FNDC3B: variants seen among roughly 807,000 people sequenced by gnomAD.
The protein encoded by FNDC3B is fibronectin type III domain containing 3B, also known as fibronectin type III domain-containing protein 3B.
In FNDC3B, 12 loss-of-function variants were observed where a neutral mutation model predicts 151.5. The observed-to-expected ratio is 0.08, with a 90% CI of 0.05 to 0.13. The LOEUF (loss-of-function observed/expected upper bound fraction) is 0.13, where lower values mean the gene tolerates loss of function less well. FNDC3B is among the 10% of genes least tolerant of loss of function. The pLI, the probability that FNDC3B is intolerant of heterozygous loss-of-function variation, is 1.00. For synonymous variants in FNDC3B, 528 were observed against 549.0 expected, an observed-to-expected ratio of 0.96 and a Z score of 0.54; for missense variants, 1,214 against 1,505.3, an observed-to-expected ratio of 0.81 and a Z score of 3.20.
chr3:172,396,404 G>C (rs750190307), intron 25 of FNDC3B, among the ~76,000 whole-genome samples: 4 of 152,168 alleles, frequency 2.6e-5, no homozygotes, highest in Non-Finnish European at 5.9e-5. Context: ...CATCCTGCTG[G>C]AAAATTTACA....
chr3:172,162,804 T>C (rs62283836), intron 3 of FNDC3B, among the ~76,000 whole-genome samples: 6,853 of 152,208 alleles, frequency 0.045, 225 homozygotes, highest in African/African-American at 0.094. Flanking sequence ...TGAGCTGTAA[T>C]GAAATTCTGT....
intron 6 of FNDC3B, among the ~76,000 whole-genome samples, chr3:172,278,732 GC>G (rs2108813861): frequency 6.6e-6 from 1 of 152,246 alleles, no homozygotes; most frequent in African/African-American, 2.4e-5. Context: ...TTTGAGACCA[GC>G]CTGGCCAACA....
intron 1 of FNDC3B, among the ~76,000 whole-genome samples, chr3:172,061,807 C>T (rs1717212609): frequency 6.6e-6 from 1 of 152,140 alleles, no homozygotes; most frequent in South Asian, 2.1e-4. Context: ...TTGCTTTGTT[C>T]AGCGGACAGG....
intron 1 of FNDC3B, among the ~76,000 whole-genome samples, chr3:172,058,963 C>T (rs562137667): frequency 9.2e-5 from 14 of 152,282 alleles, no homozygotes; most frequent in Middle Eastern, 3.4e-3. Flanking sequence ...TTCTTTTCTC[C>T]GTGTCCTAAT....
At position 172,040,994 on chromosome 3, in the gene FNDC3B, G is replaced by C. The variant is rs1716014120; in HGVS notation, c.-29+1223G>C. Reference sequence around the variant, plus strand: ...GCCATCCCAGACGAAGGGAAGCAATGGCATTTTATCCAGACAGTGCCGTTT... The same window carrying C: ...GCCATCCCAGACGAAGGGAAGCAATCGCATTTTATCCAGACAGTGCCGTTT... On this transcript the variant is annotated intron_variant, in intron 1 of 25. Transcript: ENST00000415807. The surrounding 1 kb of genome is among the most constrained non-coding windows in gnomAD (Gnocchi z 6.6). Among the ~76,000 whole-genome samples the C allele has an allele frequency of 6.6e-6, 1 of 152,210 alleles. No individual in the cohort carries two copies. Among genetic ancestry groups the C allele is most frequent in the African/African-American group, 2.4e-5 (1 of 41,462 alleles).
chr3:172,263,629 C>T (rs1026302175), intron 6 of FNDC3B, among the ~76,000 whole-genome samples: 5 of 108,142 alleles, frequency 4.6e-5, no homozygotes, highest in East Asian at 3.6e-4. Context: ...TGACAGCATT[C>T]GTATTATTTA....
chr3:172,193,703 C>T (rs149751606), intron 3 of FNDC3B, among the ~76,000 whole-genome samples: 1 of 152,072 alleles, frequency 6.6e-6, no homozygotes, highest in Non-Finnish European at 1.5e-5. Flanking sequence ...TGTGCTTGTA[C>T]TCCATGTTGG....
chr3:172,258,089 G>GTGAA (rs1186264418), intron 6 of FNDC3B, among the ~76,000 whole-genome samples: 3 of 152,186 alleles, frequency 2.0e-5, no homozygotes, highest in African/African-American at 7.2e-5. Flanking sequence ...AGCAGCTTAT[G>GTGAA]TGAACTCTTC....
chr3:172,389,480 A>T (rs1000256197), intron 25 of FNDC3B, among the ~76,000 whole-genome samples: 1 of 152,208 alleles, frequency 6.6e-6, no homozygotes, highest in Admixed American at 6.5e-5. Flanking sequence ...AGTATTTGCA[A>T]AGTTTTAATA....
intron 14 of FNDC3B, 72 bp downstream of exon 14, chr3:172,333,247 A>AC: frequency 2.1e-6 from 2 of 965,104 alleles, no homozygotes; most frequent in Non-Finnish European, 3.4e-6. Context: ...TTACCATGTC[A>AC]GATTGACTCT....
intron 22 of FNDC3B, among the ~76,000 whole-genome samples, chr3:172,355,172 T>C (rs1310197290): frequency 2.0e-5 from 3 of 152,192 alleles, no homozygotes; most frequent in Admixed American, 2.0e-4. Context: ...AACAGTATTA[T>C]TAAAAATGAA....
rs1002390289 is a variant in FNDC3B at position 172,365,822 on chromosome 3, A to C, written c.3008+2977A>C. ...TTAACACTTAAGTATATTTTGTAAC[A>C]GAAGAAAAATGAAAATTAGTATATC... is the stretch of plus-strand genomic sequence containing the variant. On this transcript the variant is annotated intron_variant, in intron 23 of 25. Coordinates refer to ENST00000415807, the MANE Select transcript of FNDC3B (RefSeq NM_022763.4). Among the ~76,000 whole-genome samples, 16 of 152,374 alleles carry C rather than the reference A, an allele frequency of 1.1e-4. No individual in the cohort carries two copies. In the East Asian group the frequency reaches 3.1e-3, roughly 29 times the overall value.
chr3:172,056,211 CT>C (rs112672220), intron 1 of FNDC3B, among the ~76,000 whole-genome samples: 13,564 of 149,668 alleles, frequency 0.091, 750 homozygotes, highest in East Asian at 0.2. Flanking sequence ...TAATGAAGGA[CT>C]TTTTTTTTTT....
chr3:172,285,180 G>A (rs540102041), intron 6 of FNDC3B, among the ~76,000 whole-genome samples: 10 of 152,066 alleles, frequency 6.6e-5, no homozygotes, highest in African/African-American at 1.9e-4. Context: ...GGTGTGTCAC[G>A]TTTCCTCACC....
chr3:172,166,966 G>GA (rs1471319681), intron 3 of FNDC3B, among the ~76,000 whole-genome samples: 1 of 152,162 alleles, frequency 6.6e-6, no homozygotes, highest in East Asian at 1.9e-4. Flanking sequence ...AAGGAAAAGT[G>GA]AAAAATGTTC....
rs985049771 is a variant in FNDC3B, at chr3:172,399,222, T to C, written c.*1747T>C. 3 of 152,654 alleles carry C rather than the reference T, an allele frequency of 2.0e-5. No individual in the cohort carries two copies. Among genetic ancestry groups the C allele is most frequent in the Non-Finnish European group, 4.4e-5 (3 of 68,044 alleles). 9.5% of individuals were successfully genotyped at this position (152,654 alleles called of 1,614,324 possible). On this transcript the variant is annotated 3_prime_UTR_variant, in exon 26 of 26. Coordinates refer to ENST00000415807, the MANE Select transcript of FNDC3B (RefSeq NM_022763.4). ...TGCAATCTTTATTTATTGTAAAATT[T>C]TTTAAGTGTACTTATGTACTAATTT...
chr3:172,331,530 T>C (rs765057934), intron 13 of FNDC3B, among the ~76,000 whole-genome samples: 72 of 152,060 alleles, frequency 4.7e-4, no homozygotes, highest in Admixed American at 1.2e-3. Context: ...GCTAATTTTT[T>C]TTTGTATTTT....
At chr3:172,326,680 G>A (rs1259612384) in intron 11 of FNDC3B, among the ~76,000 whole-genome samples, 1 of 152,166 alleles carries the variant, frequency 6.6e-6, no homozygotes, top group Non-Finnish European at 1.5e-5. Flanking sequence ...TCTTTAGTGA[G>A]CGTGAGTGCT....
At chr3:172,307,942 A>C (rs2108245719) in intron 10 of FNDC3B, among the ~76,000 whole-genome samples, 1 of 152,340 alleles carries the variant, frequency 6.6e-6, no homozygotes, top group Non-Finnish European at 1.5e-5. Flanking sequence ...TAGGTACTTA[A>C]AATACCTACA....
Sources: allele counts gnomAD v4.1 joint callset (sites outside exome capture counted in the v4.1 genomes callset), GRCh38; gene constraint gnomAD v4.1.1; non-coding constraint Gnocchi (gnomAD v3.1); transcripts MANE v1.5; gene names NCBI Gene and HGNC (gene_info 2026-07-23, HGNC 2026-07-21).